Variants in NR2F1-AS1 observed in about 807,000 individuals in gnomAD.
The protein encoded by NR2F1-AS1 is NR2F1 antisense RNA 1.
intron 4 of NR2F1-AS1, among the ~76,000 whole-genome samples, chr5:93,544,478 C>T (rs1752029650): frequency 6.6e-6 from 1 of 152,100 alleles, no homozygotes; most frequent in Non-Finnish European, 1.5e-5. Flanking sequence ...GTTGACTTTA[C>T]ACAGCCTGCT....
At chr5:93,555,240 G>T (rs1752327845) in intron 2 of NR2F1-AS1, among the ~76,000 whole-genome samples, 1 of 152,102 alleles carries the variant, frequency 6.6e-6, no homozygotes, top group South Asian at 2.1e-4. Context: ...AGAAATTAAG[G>T]TTAAAACTGG....
chr5:93,575,016 T>G (rs1023112313), intron 1 of NR2F1-AS1, among the ~76,000 whole-genome samples: 1 of 152,212 alleles, frequency 6.6e-6, no homozygotes, highest in Non-Finnish European at 1.5e-5. Context: ...GCCTGCAGCC[T>G]GGGGGGGTGT....
chr5:93,534,572 A>C (rs1385021939), intron 4 of NR2F1-AS1, among the ~76,000 whole-genome samples: 1 of 152,242 alleles, frequency 6.6e-6, no homozygotes, highest in Non-Finnish European at 1.5e-5. Flanking sequence ...AAATCATATG[A>C]TTCCTAGTAG....
At chr5:93,440,316 T>C (rs895988985) in intron 4 of NR2F1-AS1, among the ~76,000 whole-genome samples, 3 of 152,232 alleles carry the variant, frequency 2.0e-5, no homozygotes, top group African/African-American at 7.2e-5. Context: ...ACTGGGTATG[T>C]CTCCAAGGAT....
At chr5:93,535,905 C>T (rs1224438111) in intron 4 of NR2F1-AS1, among the ~76,000 whole-genome samples, 1 of 152,040 alleles carries the variant, frequency 6.6e-6, no homozygotes, top group Non-Finnish European at 1.5e-5. Flanking sequence ...ACAAGGATGC[C>T]TACTTTCACC....
intron 4 of NR2F1-AS1, among the ~76,000 whole-genome samples, chr5:93,489,721 A>T (rs1025895286): frequency 1.3e-5 from 2 of 152,192 alleles, no homozygotes; most frequent in African/African-American, 4.8e-5. Flanking sequence ...TGCTAGTGTG[A>T]GTTCTGATAA....
intron 4 of NR2F1-AS1, among the ~76,000 whole-genome samples, chr5:93,494,054 A>T (rs1159062134): frequency 6.6e-6 from 1 of 152,184 alleles, no homozygotes; most frequent in Non-Finnish European, 1.5e-5. Context: ...TGGGAAAAAA[A>T]TTTTGCAATT....
intron 4 of NR2F1-AS1, among the ~76,000 whole-genome samples, chr5:93,538,718 A>G (rs1034224334): frequency 2.0e-5 from 3 of 152,182 alleles, no homozygotes; most frequent in African/African-American, 7.2e-5. Flanking sequence ...GTAAATAATT[A>G]TCTTGTTTTT....
intron 4 of NR2F1-AS1, among the ~76,000 whole-genome samples, chr5:93,476,445 A>G (rs1454180537): frequency 1.3e-5 from 2 of 152,206 alleles, no homozygotes; most frequent in African/African-American, 4.8e-5. Context: ...TTGGCCCCAC[A>G]GTTAAAGGAA....
intron 4 of NR2F1-AS1, among the ~76,000 whole-genome samples, chr5:93,527,553 A>G (rs1418711574): frequency 6.6e-6 from 1 of 152,230 alleles, no homozygotes; most frequent in Admixed American, 6.5e-5. Flanking sequence ...ATCCTAAGCA[A>G]AAAGAACAAA....
At chr5:93,515,893 C>T (rs1383812029) in intron 4 of NR2F1-AS1, among the ~76,000 whole-genome samples, 3 of 151,756 alleles carry the variant, frequency 2.0e-5, no homozygotes, top group Non-Finnish European at 4.4e-5. Flanking sequence ...GAGTACATCC[C>T]TTATCAATAT....
At chr5:93,427,479 G>T (rs1052566957) in intron 4 of NR2F1-AS1, among the ~76,000 whole-genome samples, 1 of 152,106 alleles carries the variant, frequency 6.6e-6, no homozygotes, top group Non-Finnish European at 1.5e-5. Flanking sequence ...ATCTAACCCT[G>T]TAAATGAAAC....
intron 4 of NR2F1-AS1, among the ~76,000 whole-genome samples, chr5:93,507,757 A>G (rs1751217283): frequency 1.3e-5 from 2 of 152,352 alleles, no homozygotes; most frequent in Admixed American, 1.3e-4. Flanking sequence ...CAAACTGTCA[A>G]AACTAATGAG....
intron 1 of NR2F1-AS1, among the ~76,000 whole-genome samples, chr5:93,573,354 G>A (rs967466786): frequency 6.6e-6 from 1 of 152,170 alleles, no homozygotes; most frequent in Admixed American, 6.5e-5. Context: ...AGGGAATTCG[G>A]GACGGAAACG....
At chr5:93,439,006 T>C (rs1190972885) in intron 4 of NR2F1-AS1, among the ~76,000 whole-genome samples, 2 of 152,266 alleles carry the variant, frequency 1.3e-5, no homozygotes, top group African/African-American at 4.8e-5. Context: ...AGCATCATGT[T>C]GTATACCTTA....
chr5:93,419,748 C>A (rs1388549671), intron 4 of NR2F1-AS1, among the ~76,000 whole-genome samples: 2 of 152,128 alleles, frequency 1.3e-5, no homozygotes, highest in Admixed American at 6.5e-5. Context: ...AAAATTGACA[C>A]CCCTTTCCTC....
At chr5:93,523,986 A>C (rs536666908) in intron 4 of NR2F1-AS1, among the ~76,000 whole-genome samples, 3 of 152,126 alleles carry the variant, frequency 2.0e-5, no homozygotes, top group Non-Finnish European at 4.4e-5. Context: ...GAAGGGAACA[A>C]AACTGGACAG....
intron 1 of NR2F1-AS1, among the ~76,000 whole-genome samples, chr5:93,575,049 G>A (rs902459812): frequency 3.9e-5 from 6 of 152,262 alleles, no homozygotes; most frequent in Admixed American, 2.6e-4. Flanking sequence ...AGCCCTGACA[G>A]CCCAGGGTCT....
chr5:93,559,438 T>C (rs1304824871), intron 2 of NR2F1-AS1, among the ~76,000 whole-genome samples: 1 of 152,204 alleles, frequency 6.6e-6, no homozygotes, highest in African/African-American at 2.4e-5. Context: ...ACTGTTTTGC[T>C]TTTTTGTTTG....
Sources: allele counts gnomAD v4.1 joint callset (sites outside exome capture counted in the v4.1 genomes callset), GRCh38; gene constraint gnomAD v4.1.1; transcripts MANE v1.5; gene names NCBI Gene and HGNC (gene_info 2026-07-23, HGNC 2026-07-21).